Variants in PLCB4 observed in about 807,000 individuals in gnomAD.
PLCB4 encodes the protein phospholipase C beta 4.
In PLCB4, 77 loss-of-function variants were observed where a neutral mutation model predicts 178.8. That is an observed-to-expected ratio of 0.43 (90% CI 0.36 to 0.52). PLCB4 has a LOEUF of 0.52. Ranked by LOEUF, PLCB4 falls within the 20% of genes least tolerant of loss-of-function variation. The probability of loss-of-function intolerance (pLI) is 0.00; values close to 1 mark genes in which losing one functional copy is unlikely to be tolerated. For synonymous variants in PLCB4, 496 were observed against 490.8 expected (o/e 1.01, Z -0.14); for missense variants, 1,024 against 1,453.4 (o/e 0.70, Z 4.80).
At chr20:9,308,071 A>G (rs972473061) in intron 4 of PLCB4, among the ~76,000 whole-genome samples, 173 bp downstream of exon 4, 6 of 152,196 alleles carry the variant, frequency 3.9e-5, no homozygotes, top group Non-Finnish European at 5.9e-5. Flanking sequence ...TAATGATACT[A>G]TAAATTTTTG....
chr20:9,162,970 G>C (rs2092913037), intron 2 of PLCB4, among the ~76,000 whole-genome samples: 1 of 152,050 alleles, frequency 6.6e-6, no homozygotes, highest in Admixed American at 6.6e-5. Context: ...AATTTCTGGG[G>C]TTTAAATATT....
intron 2 of PLCB4, among the ~76,000 whole-genome samples, chr20:9,132,329 C>T (rs894980308): frequency 6.6e-6 from 1 of 151,956 alleles, no homozygotes; most frequent in Non-Finnish European, 1.5e-5. Flanking sequence ...TGTGAGATCA[C>T]TGCTTCTACC....
rs938707232 is a variant in PLCB4, at chr20:9,088,064, A to G, written c.-134-8223A>G. On this transcript the variant is annotated intron_variant, in intron 1 of 39. Transcript: ENST00000378473. ...CCTTGCAGATGGCATCAGCCAGCCAATCTGATGCACAAGCCATGGTTTCTG... is the reference window on the plus strand; with the variant it reads ...CCTTGCAGATGGCATCAGCCAGCCAGTCTGATGCACAAGCCATGGTTTCTG... Among the ~76,000 whole-genome samples, 7 of 152,224 alleles carry G rather than the reference A, an allele frequency of 4.6e-5. 1 individual carries two copies. Among genetic ancestry groups the G allele is most frequent in the Admixed American group, 2.0e-4 (3 of 15,278 alleles).
chr20:9,443,950 C>G (rs576710699), intron 30 of PLCB4, 31 bp from the exon 31 acceptor site: 1 of 1,284,584 alleles, frequency 7.8e-7, no homozygotes, highest in Non-Finnish European at 1.1e-6. Flanking sequence ...TTTTAGTATA[C>G]ATAGTGACTT....
chr20:9,203,777 GTTTTTTTTT>G lies in PLCB4; in HGVS notation c.-78-13595_-78-13587del, dbSNP rs553691545. ...TCCGAAGGCTCCATTTGGGAATAGT[GTTTTTTTTT>G]TTTTTTTTTTTTTTTTTCCCATTTC... On this transcript the variant is annotated intron_variant, in intron 2 of 39. Transcript: ENST00000378473. 8.8e-5 allele frequency among the ~76,000 whole-genome samples: 9 copies of G among 101,704 alleles called. 1 individual carries two copies. In the South Asian group the frequency reaches 1.2e-3, roughly 14 times the overall value. 66.7% of individuals were successfully genotyped at this position (101,704 alleles called of 152,430 possible).
At chr20:9,115,693 A>G (rs938743265) in intron 2 of PLCB4, among the ~76,000 whole-genome samples, 1 of 150,074 alleles carries the variant, frequency 6.7e-6, no homozygotes, top group African/African-American at 2.5e-5. Flanking sequence ...TTCTTATAGT[A>G]TAATTGAAAT....
intron 38 of PLCB4, 67 bp downstream of exon 38, chr20:9,473,432 C>A (rs897931738): frequency 3.7e-6 from 3 of 805,930 alleles, no homozygotes; most frequent in Non-Finnish European, 6.2e-6. Flanking sequence ...CATGCCATGG[C>A]CCACAGTGAC....
At chr20:9,114,805 G>C (rs147306720) in intron 2 of PLCB4, among the ~76,000 whole-genome samples, 239 of 152,216 alleles carry the variant, frequency 1.6e-3, no homozygotes, top group African/African-American at 5.4e-3. Flanking sequence ...CCTGAGTAAC[G>C]ACATTTCTTC....
intron 4 of PLCB4, among the ~76,000 whole-genome samples, chr20:9,311,345 G>A (rs1211255337): frequency 6.6e-6 from 1 of 152,116 alleles, no homozygotes; most frequent in Non-Finnish European, 1.5e-5. Context: ...GAAATACAAG[G>A]ATGTTGTATA....
chr20:9,434,577 T>C (rs980355307), intron 28 of PLCB4, among the ~76,000 whole-genome samples: 1 of 152,178 alleles, frequency 6.6e-6, no homozygotes, highest in Non-Finnish European at 1.5e-5. Context: ...GGTTTCACCA[T>C]GTTGCCTAGG....
chr20:9,475,282 GA>G (rs1046833061), intron 38 of PLCB4, among the ~76,000 whole-genome samples: 3 of 152,208 alleles, frequency 2.0e-5, no homozygotes, highest in Non-Finnish European at 2.9e-5. Flanking sequence ...CAGAGCTAGA[GA>G]AAACAGTCAT....
At chr20:9,128,745 G>C (rs1305949257) in intron 2 of PLCB4, among the ~76,000 whole-genome samples, 3 of 152,108 alleles carry the variant, frequency 2.0e-5, no homozygotes, top group Non-Finnish European at 4.4e-5. Flanking sequence ...TCACAGAATT[G>C]CACAACCATC....
At chr20:9,151,369 A>C (rs768295918) in intron 2 of PLCB4, among the ~76,000 whole-genome samples, 2 of 152,120 alleles carry the variant, frequency 1.3e-5, no homozygotes, top group Non-Finnish European at 2.9e-5. Context: ...TGGTTTGGCT[A>C]TGTCCCCATC....
rs201488625 is a variant in PLCB4 at position 9,390,665 on chromosome 20, A to C, written c.1323+50A>C. 299 of 908,454 alleles carry C rather than the reference A, an allele frequency of 3.3e-4. 1 individual carries two copies. The highest frequency in any genetic ancestry group is 4.4e-4 in the Non-Finnish European group (239 of 543,050). The allele number at this position is 908,454 out of a possible 1,614,324, so 56.3% of individuals were successfully genotyped here. On this transcript the variant is annotated intron_variant, in intron 17 of 39. Transcript: ENST00000378473. ...TTCTAGCATGAATGGATTTGTTTTGAAAATTTCTGAAGGGTCAAGTAGTAC... is the reference window on the plus strand; with the variant it reads ...TTCTAGCATGAATGGATTTGTTTTGCAAATTTCTGAAGGGTCAAGTAGTAC...
chr20:9,467,179 A>C (rs1303374910), intron 35 of PLCB4, among the ~76,000 whole-genome samples: 1 of 152,198 alleles, frequency 6.6e-6, no homozygotes, highest in Non-Finnish European at 1.5e-5. Flanking sequence ...TATCACAAGG[A>C]CAGAAAACCA....
chr20:9,069,838 A>G (rs1247933529), intron 1 of PLCB4, among the ~76,000 whole-genome samples: 2 of 152,226 alleles, frequency 1.3e-5, no homozygotes, highest in Admixed American at 6.5e-5. Flanking sequence ...AACTTTATCT[A>G]GAATCATAAA....
At chr20:9,209,675 G>A (rs1346962038) in intron 2 of PLCB4, among the ~76,000 whole-genome samples, 1 of 152,064 alleles carries the variant, frequency 6.6e-6, no homozygotes, top group East Asian at 1.9e-4. Flanking sequence ...GAACTTGTAA[G>A]CACATTATTT....
At chr20:9,346,091 G>A (rs73066428) in intron 7 of PLCB4, among the ~76,000 whole-genome samples, 7,586 of 152,248 alleles carry the variant, frequency 0.05, 261 homozygotes, top group Non-Finnish European at 0.076. Flanking sequence ...GGGATCAGAG[G>A]CTTCAGCCTC....
chr20:9,393,218 A>G (rs1008843568), intron 17 of PLCB4, among the ~76,000 whole-genome samples: 4 of 152,108 alleles, frequency 2.6e-5, no homozygotes, highest in African/African-American at 9.7e-5. Flanking sequence ...TGGGAAAGCT[A>G]ATTCTGAACC....
Sources: gnomAD v4.1 joint callset for allele counts (sites outside exome capture counted in the v4.1 genomes callset) on GRCh38, gnomAD v4.1.1 for gene constraint, MANE v1.5 for transcripts, NCBI Gene and HGNC (gene_info 2026-07-23, HGNC 2026-07-21) for gene names.